RSRC1: variants seen among roughly 807,000 people sequenced by gnomAD.
RSRC1 encodes arginine and serine rich coiled-coil 1, also known as serine/Arginine-related protein 53.
In RSRC1, 39 loss-of-function variants were observed where a neutral mutation model predicts 49.1. That is an observed-to-expected ratio of 0.79 (90% CI 0.61 to 1.04). The LOEUF is 1.04. Ranked by LOEUF, RSRC1 falls within the 50% of genes least tolerant of loss-of-function variation. RSRC1 has a pLI of 0.00. For synonymous variants in RSRC1, 143 were observed against 130.8 expected (o/e 1.09, Z -0.63); for missense variants, 388 against 402.4 (o/e 0.96, Z 0.31).
chr3:158,511,137 G>C (rs561147849), intron 7 of RSRC1, among the ~76,000 whole-genome samples: 2 of 151,752 alleles, frequency 1.3e-5, no homozygotes, highest in South Asian at 2.1e-4. Flanking sequence ...TTAAGTTCTA[G>C]GGTACATGTG....
intron 6 of RSRC1, among the ~76,000 whole-genome samples, chr3:158,360,006 T>C (rs1731381659): frequency 6.6e-6 from 1 of 151,756 alleles, no homozygotes; most frequent in Non-Finnish European, 1.5e-5. Flanking sequence ...TACCAACAAG[T>C]GTTCAGTTCT....
chr3:158,132,218 T>C, intron 3 of RSRC1: 1 of 398,714 alleles, frequency 2.5e-6, no homozygotes, highest in Non-Finnish European at 5.2e-6. Flanking sequence ...ATTCCTGAGC[T>C]CAAGCGATCC....
intron 6 of RSRC1, among the ~76,000 whole-genome samples, chr3:158,433,977 C>A (rs1735910402): frequency 6.6e-6 from 1 of 151,936 alleles, no homozygotes. Flanking sequence ...AATATTGTCA[C>A]TCATTCTTAG....
At chr3:158,434,982 A>C (rs2108362600) in intron 6 of RSRC1, among the ~76,000 whole-genome samples, 1 of 152,060 alleles carries the variant, frequency 6.6e-6, no homozygotes, top group Admixed American at 6.6e-5. Context: ...ACTGTACAAA[A>C]TATTTTAAGG....
intron 5 of RSRC1, among the ~76,000 whole-genome samples, chr3:158,348,902 G>T (rs542738176): frequency 5.9e-5 from 9 of 152,202 alleles, no homozygotes; most frequent in Admixed American, 3.9e-4. Flanking sequence ...CTTCATCTAG[G>T]TTGCTGCAAA....
intron 7 of RSRC1, among the ~76,000 whole-genome samples, chr3:158,511,577 A>G (rs920812898): frequency 6.6e-6 from 1 of 152,204 alleles, no homozygotes; most frequent in African/African-American, 2.4e-5. Flanking sequence ...GTGCCGCAAT[A>G]AACATACATG....
At chr3:158,325,851 C>T (rs1729099527) in intron 5 of RSRC1, among the ~76,000 whole-genome samples, 1 of 152,126 alleles carries the variant, frequency 6.6e-6, no homozygotes, top group Non-Finnish European at 1.5e-5. Context: ...TTGATTCTTC[C>T]TATCCATGAG....
At chr3:158,447,192 A>G (rs1578490337) in intron 6 of RSRC1, among the ~76,000 whole-genome samples, 4 of 152,112 alleles carry the variant, frequency 2.6e-5, no homozygotes, top group African/African-American at 9.6e-5. Context: ...CAGAAGTGTT[A>G]GCCTTTTTAG....
At chr3:158,275,954 T>G in intron 4 of RSRC1, 1 of 749,252 alleles carries the variant, frequency 1.3e-6, no homozygotes, top group South Asian at 1.4e-5. Context: ...TTCCCTGTGC[T>G]TGTGGACTGG....
chr3:158,240,823 C>T (rs1028374220), intron 4 of RSRC1, among the ~76,000 whole-genome samples: 4 of 152,108 alleles, frequency 2.6e-5, no homozygotes, highest in Non-Finnish European at 4.4e-5. Flanking sequence ...GTATGTGCTA[C>T]CAGCCTGTTA....
At chr3:158,311,855 G>A (rs1414405737) in intron 5 of RSRC1, among the ~76,000 whole-genome samples, 1 of 151,886 alleles carries the variant, frequency 6.6e-6, no homozygotes, top group African/African-American at 2.4e-5. Context: ...GTGTCAGTTA[G>A]ACCTCAGTAA....
intron 4 of RSRC1, among the ~76,000 whole-genome samples, chr3:158,210,057 G>C (rs1721577519): frequency 6.6e-6 from 1 of 152,088 alleles, no homozygotes; most frequent in Non-Finnish European, 1.5e-5. Context: ...TGGACTCTGA[G>C]TTTTGACAGC....
intron 7 of RSRC1, among the ~76,000 whole-genome samples, chr3:158,492,654 C>G (rs1739135760): frequency 6.6e-6 from 1 of 152,172 alleles, no homozygotes; most frequent in Non-Finnish European, 1.5e-5. Context: ...GACTTCTGTT[C>G]TCACTCTTCA....
At chr3:158,381,064 G>A (rs1044869763) in intron 6 of RSRC1, among the ~76,000 whole-genome samples, 9 of 152,066 alleles carry the variant, frequency 5.9e-5, no homozygotes, top group South Asian at 2.1e-4. Context: ...CACGTATGTC[G>A]TGAATGTATA....
At chr3:158,270,244 C>G (rs1046179584) in intron 4 of RSRC1, among the ~76,000 whole-genome samples, 1 of 151,938 alleles carries the variant, frequency 6.6e-6, no homozygotes, top group African/African-American at 2.4e-5. Context: ...TAAAGCTAAC[C>G]CCAGGGATCT....
chr3:158,164,372 T>G (rs1718416592), intron 3 of RSRC1, among the ~76,000 whole-genome samples: 1 of 152,084 alleles, frequency 6.6e-6, no homozygotes, highest in Non-Finnish European at 1.5e-5. Flanking sequence ...TAAATTGTTT[T>G]TGTTATTCAT....
intron 5 of RSRC1, among the ~76,000 whole-genome samples, chr3:158,320,063 T>G (rs1728676271): frequency 6.6e-6 from 1 of 152,200 alleles, no homozygotes; most frequent in African/African-American, 2.4e-5. Context: ...AAATAATTAT[T>G]TCTTTCCTCT....
chr3:158,318,372 A>G (rs1728583931), intron 5 of RSRC1, among the ~76,000 whole-genome samples: 1 of 152,176 alleles, frequency 6.6e-6, no homozygotes. Flanking sequence ...CCCTGTCTCT[A>G]CCAAAATATC....
intron 7 of RSRC1, among the ~76,000 whole-genome samples, chr3:158,499,106 G>A (rs1049430647): frequency 4.6e-5 from 7 of 152,028 alleles, no homozygotes; most frequent in Non-Finnish European, 8.8e-5. Context: ...GGCTGGGCGC[G>A]GTGGCTCACA....
Sources: allele counts gnomAD v4.1 joint callset (sites outside exome capture counted in the v4.1 genomes callset), GRCh38; gene constraint gnomAD v4.1.1; transcripts MANE v1.5; gene names NCBI Gene and HGNC (gene_info 2026-07-23, HGNC 2026-07-21).